Variants in CD163L1 observed in about 807,000 individuals in gnomAD.
CD163L1 encodes the protein scavenger receptor cysteine-rich type 1 protein M160.
In CD163L1, 124 loss-of-function variants were observed where a neutral mutation model predicts 165.4. The ratio of observed to expected loss-of-function variants is 0.75; its 90% CI spans 0.65 to 0.87. The LOEUF (loss-of-function observed/expected upper bound fraction) is 0.87. CD163L1 is among the 40% of genes least tolerant of loss of function. CD163L1 has a pLI of 0.00. For missense variants in CD163L1, 1,525 were observed against 1,799.9 expected (o/e 0.85, Z 2.76); for synonymous variants, 585 against 662.2 (o/e 0.88, Z 1.79).
chr12:7,395,669 C>T (rs1172903584), intron 8 of CD163L1, among the ~76,000 whole-genome samples: 2 of 152,128 alleles, frequency 1.3e-5, no homozygotes, highest in Admixed American at 6.6e-5. Context: ...TTGGATTTAT[C>T]TTACATAAAT....
At chr12:7,390,497 T>G (rs915438180) in intron 8 of CD163L1, among the ~76,000 whole-genome samples, 1 of 152,098 alleles carries the variant, frequency 6.6e-6, no homozygotes, top group African/African-American at 2.4e-5. Context: ...ACACATATTA[T>G]AGATCAGTAA....
At chr12:7,421,079 A>ATACG (rs1395168025) in intron 4 of CD163L1, among the ~76,000 whole-genome samples, 1 of 119,912 alleles carries the variant, frequency 8.3e-6, no homozygotes, top group African/African-American at 3.6e-5. Flanking sequence ...ATATACGTAT[A>ATACG]TATATACGTA....
intron 4 of CD163L1, among the ~76,000 whole-genome samples, chr12:7,425,523 A>C (rs915894033): frequency 6.6e-6 from 1 of 151,970 alleles, no homozygotes; most frequent in African/African-American, 2.4e-5. Context: ...TCTGCAAAAG[A>C]AGTGAACAGA....
At chr12:7,323,430 A>G in the CD163L1 span, 1 of 1,610,100 alleles carries the variant, frequency 6.2e-7, no homozygotes, top group Non-Finnish European at 8.5e-7. Context: ...AGAAAATTTT[A>G]AGACCATCAA....
chr12:7,426,728 T>G lies in CD163L1; in HGVS notation c.766+5688A>C, dbSNP rs11053810. Among the ~76,000 whole-genome samples, 1,464 of 152,154 alleles carry G rather than the reference T, an allele frequency of 9.6e-3. 27 individuals are homozygous for G. The highest frequency in any genetic ancestry group is 0.033 in the African/African-American group (1,358 of 41,524). Reference sequence around the variant, plus strand: ...TGTTCTGTACATGTATACCAGAACCTAAAGTAAAAAATAAATAAATAGACA... The same window carrying G: ...TGTTCTGTACATGTATACCAGAACCGAAAGTAAAAAATAAATAAATAGACA... On this transcript the variant is annotated intron_variant, in intron 4 of 19. Transcript: ENST00000313599.
chr12:7,403,198 TA>T (rs5796277), intron 6 of CD163L1, among the ~76,000 whole-genome samples: 70,195 of 151,870 alleles, frequency 0.46, 20,323 homozygotes, highest in African/African-American at 0.79. Context: ...TATTATTAAA[TA>T]AAAAAAGTTA....
intron 8 of CD163L1, among the ~76,000 whole-genome samples, chr12:7,393,369 A>G (rs1411044623): frequency 6.6e-6 from 1 of 152,232 alleles, no homozygotes; most frequent in Non-Finnish European, 1.5e-5. Context: ...ACAAAATTTA[A>G]CACTGCTTCA....
chr12:7,429,572 A>C (rs1030521070), intron 4 of CD163L1, among the ~76,000 whole-genome samples: 2 of 152,134 alleles, frequency 1.3e-5, no homozygotes, highest in African/African-American at 4.8e-5. Flanking sequence ...GGCTGTACCC[A>C]TAAGAAATTT....
intron 4 of CD163L1, among the ~76,000 whole-genome samples, chr12:7,413,862 C>T (rs1439690407): frequency 6.6e-6 from 1 of 152,162 alleles, no homozygotes. Flanking sequence ...AGAAGATACA[C>T]AGTCCCCAGA....
At chr12:7,386,734 C>T (rs756495893) in intron 8 of CD163L1, among the ~76,000 whole-genome samples, 2 of 151,796 alleles carry the variant, frequency 1.3e-5, no homozygotes, top group Admixed American at 6.6e-5. Flanking sequence ...CATATGATCA[C>T]CTCAATAAAT....
At position 7,374,748 on chromosome 12, in the gene CD163L1, G is replaced by A. The variant is rs776087881; in HGVS notation, c.3103C>T (p.Arg1035Trp). ...CTGTCCCCATCCACTAGGCGGAGCC[G>A]TTTGTCCTCTTAGAGGAGAAAGTCC... Reference protein sequence around the residue: ...GSALICLEDKRLRLVDGDSRC... With the variant: ...GSALICLEDKWLRLVDGDSRC... The change falls in exon 13 of 20, where the codon CGG becomes TGG. Residue 1035 changes from arginine (R) to tryptophan (W), a missense_variant. Coordinates refer to ENST00000313599, the MANE Select transcript of CD163L1 (RefSeq NM_174941.6). This position sits in a 1 kb window ranked among gnomAD's most constrained non-coding sequence, Gnocchi z 5.4. The A allele has an allele frequency of 4.4e-5, 71 of 1,613,486 alleles. No individual in the cohort carries two copies. The highest frequency in any genetic ancestry group is 6.7e-5 in the Admixed American group (4 of 59,950).
At chr12:7,378,777 C>G (rs1947323510) in intron 9 of CD163L1, among the ~76,000 whole-genome samples, 1 of 152,164 alleles carries the variant, frequency 6.6e-6, no homozygotes, top group African/African-American at 2.4e-5. Context: ...TGTGCTTCTA[C>G]TTCACGCAAT....
At chr12:7,386,251 G>T (rs1051491033) in intron 8 of CD163L1, among the ~76,000 whole-genome samples, 3 of 152,052 alleles carry the variant, frequency 2.0e-5, no homozygotes, top group South Asian at 4.1e-4. Context: ...CATACGATCT[G>T]CCCAAGATTA....
chr12:7,342,915 T>C (rs1413171709), downstream of CD163L1, among the ~76,000 whole-genome samples: 4 of 152,240 alleles, frequency 2.6e-5, no homozygotes, highest in Non-Finnish European at 5.9e-5. Flanking sequence ...TCAGGTTTTC[T>C]TTTCACGTAA....
chr12:7,425,914 C>T (rs1421006828), intron 4 of CD163L1, among the ~76,000 whole-genome samples: 2 of 152,134 alleles, frequency 1.3e-5, no homozygotes, highest in East Asian at 1.9e-4. Context: ...ACTAGAAATA[C>T]CATTTGACCC....
At position 7,380,274 on chromosome 12, in the gene CD163L1, GGTGTGT is replaced by G. The variant is rs56789470; in HGVS notation, c.2051-982_2051-977del. Among the ~76,000 whole-genome samples the G allele has an allele frequency of 8.3e-3, 1,214 of 146,642 alleles. 19 individuals are homozygous for G. Among genetic ancestry groups the G allele is most frequent in the African/African-American group, 0.021 (840 of 39,436 alleles). On this transcript the variant is annotated intron_variant, in intron 8 of 19. Coordinates refer to ENST00000313599, the MANE Select transcript of CD163L1 (RefSeq NM_174941.6). ...ATCAACAAGTGGATAAAGAAACTGT[GGTGTGT>G]GTGTGTGTGTGTGTGTGTGTGTATA...
intron 8 of CD163L1, among the ~76,000 whole-genome samples, chr12:7,383,679 C>T (rs1296040679): frequency 6.6e-6 from 1 of 152,054 alleles, no homozygotes; most frequent in African/African-American, 2.4e-5. Context: ...ACAGTCTAAG[C>T]CAAAGAGGAA....
chr12:7,367,815 T>C (rs1027880439), intron 17 of CD163L1, among the ~76,000 whole-genome samples: 5 of 152,228 alleles, frequency 3.3e-5, no homozygotes, highest in Non-Finnish European at 7.3e-5. Context: ...AACATACAAT[T>C]ACCTTCCTTC....
At chr12:7,415,372 T>C (rs768177158) in intron 4 of CD163L1, among the ~76,000 whole-genome samples, 39 of 151,968 alleles carry the variant, frequency 2.6e-4, no homozygotes, top group Middle Eastern at 6.9e-3. Flanking sequence ...AATAATCACA[T>C]CACAAAAGAA....
Sources: gnomAD v4.1 joint callset for allele counts (sites outside exome capture counted in the v4.1 genomes callset) on GRCh38, gnomAD v4.1.1 for gene constraint, Gnocchi (gnomAD v3.1) non-coding constraint, MANE v1.5 for transcripts, NCBI Gene and HGNC (gene_info 2026-07-23, HGNC 2026-07-21) for gene names.